Variants in NKAIN2 observed in about 807,000 individuals in gnomAD.
NKAIN2 encodes sodium/potassium-transporting ATPase subunit beta-1-interacting protein 2.
Under a neutral mutation model 32.6 loss-of-function variants are expected in NKAIN2, and 14 were observed. That is an observed-to-expected ratio of 0.43 (90% confidence interval 0.28 to 0.67). The LOEUF (loss-of-function observed/expected upper bound fraction) is 0.67. Among genes scored for constraint, NKAIN2 ranks in the 30% least tolerant of loss-of-function variants. The pLI is 0.17. For synonymous variants in NKAIN2, 80 were observed against 87.2 expected, an observed-to-expected ratio of 0.92 and a Z score of 0.46; for missense variants, 198 against 258.3, an observed-to-expected ratio of 0.77 and a Z score of 1.60.
intron 3 of NKAIN2, among the ~76,000 whole-genome samples, chr6:124,369,016 T>C (rs138954059): frequency 6.6e-6 from 1 of 152,274 alleles, no homozygotes; most frequent in East Asian, 1.9e-4. Context: ...CTAATTCTCT[T>C]TGAAGCAATG....
At chr6:124,112,932 T>C (rs527364397) in intron 1 of NKAIN2, among the ~76,000 whole-genome samples, 1 of 150,998 alleles carries the variant, frequency 6.6e-6, no homozygotes, top group East Asian at 1.9e-4. Context: ...ATTTTCTCTT[T>C]CTTTGTTGAA....
intron 3 of NKAIN2, among the ~76,000 whole-genome samples, chr6:124,499,131 G>A (rs6920353): frequency 0.28 from 42,518 of 151,926 alleles, 6,437 homozygotes; most frequent in Middle Eastern, 0.39. Context: ...ATGTAAAAAG[G>A]GATTGGATTA....
intron 3 of NKAIN2, among the ~76,000 whole-genome samples, chr6:124,626,654 T>G (rs1583544699): frequency 2.0e-5 from 3 of 152,174 alleles, no homozygotes; most frequent in Admixed American, 6.5e-5. Flanking sequence ...AGCCGCCCTC[T>G]ATTATTCTGT....
chr6:124,609,243 G>C (rs1782603157), intron 3 of NKAIN2, among the ~76,000 whole-genome samples: 1 of 152,132 alleles, frequency 6.6e-6, no homozygotes, highest in South Asian at 2.1e-4. Context: ...GCCCCAAGAG[G>C]AGGTTAAAAT....
At chr6:124,771,813 C>G (rs1021055443) in intron 4 of NKAIN2, among the ~76,000 whole-genome samples, 2 of 152,096 alleles carry the variant, frequency 1.3e-5, no homozygotes, top group African/African-American at 4.8e-5. Flanking sequence ...GGAGGTGACA[C>G]TTAAGCTGAG....
intron 1 of NKAIN2, among the ~76,000 whole-genome samples, chr6:124,112,268 T>G (rs1293459055): frequency 2.0e-5 from 3 of 152,160 alleles, no homozygotes; most frequent in Non-Finnish European, 4.4e-5. Flanking sequence ...CTCCCTCAAT[T>G]TATTTTGTTT....
intron 1 of NKAIN2, among the ~76,000 whole-genome samples, chr6:124,278,536 A>G (rs547765746): frequency 6.6e-6 from 1 of 150,922 alleles, no homozygotes. Flanking sequence ...AACATTTACT[A>G]TGGTGCAACG....
chr6:124,437,871 G>GGTTTTTTTTTTTTT lies in NKAIN2; in HGVS notation c.273+82524_273+82525insGTTTTTTTTTTTTT, dbSNP rs751652394. 1.1e-4 allele frequency: 38 copies of GGTTTTTTTTTTTTT among 345,708 alleles called. 2 individuals are homozygous for GGTTTTTTTTTTTTT. The highest frequency in any genetic ancestry group is 1.3e-4 in the Non-Finnish European group (23 of 183,952). 21.4% of individuals were successfully genotyped at this position (345,708 alleles called of 1,614,324 possible). Reference sequence around the variant, plus strand: ...TGTAGGGAATACGTACTGATCTATTGATTTTTTTTTTTTTTTTTTTCTTAA... The same window carrying GGTTTTTTTTTTTTT: ...TGTAGGGAATACGTACTGATCTATTGGTTTTTTTTTTTTTATTTTTTTTTTTTTTTTTTTCTTAA... On this transcript the variant is annotated intron_variant, in intron 3 of 6. Transcript: ENST00000368417.
chr6:124,163,178 T>C (rs1170911541), intron 1 of NKAIN2, among the ~76,000 whole-genome samples: 1 of 152,052 alleles, frequency 6.6e-6, no homozygotes, highest in African/African-American at 2.4e-5. Context: ...GAAATTCAGC[T>C]TCTAAATATA....
chr6:124,514,599 G>T (rs1327676765), intron 3 of NKAIN2, among the ~76,000 whole-genome samples: 1 of 151,932 alleles, frequency 6.6e-6, no homozygotes, highest in Non-Finnish European at 1.5e-5. Flanking sequence ...CTTCAGTGTT[G>T]GGTAGATGGA....
intron 1 of NKAIN2, among the ~76,000 whole-genome samples, chr6:124,051,496 A>T (rs1455464071): frequency 6.6e-6 from 1 of 151,982 alleles, no homozygotes; most frequent in African/African-American, 2.4e-5. Flanking sequence ...ACATATGTAT[A>T]AATGTGCCAT....
chr6:124,145,607 G>A (rs934206497), intron 1 of NKAIN2, among the ~76,000 whole-genome samples: 4 of 152,038 alleles, frequency 2.6e-5, no homozygotes, highest in Non-Finnish European at 5.9e-5. Flanking sequence ...CCGGGTTCAC[G>A]CCATTCTCCT....
intron 1 of NKAIN2, among the ~76,000 whole-genome samples, chr6:124,039,770 C>G (rs73561073): frequency 1.1e-4 from 16 of 151,722 alleles, no homozygotes; most frequent in Admixed American, 1.1e-3. Flanking sequence ...ACCTAAACTT[C>G]CTACAAAAAG....
At position 124,226,078 on chromosome 6, in the gene NKAIN2, G is replaced by A. The variant is rs551860275; in HGVS notation, c.55-56927G>A. 5.9e-5 allele frequency among the ~76,000 whole-genome samples: 9 copies of A among 152,122 alleles called. No individual in the cohort carries two copies. The South Asian group carries it at 1.9e-3, about 32-fold the overall frequency. ...TCAAAGCCTAAGTCCAGTGTCACAG[G>A]AGAGAATGGACACTGTCAATTGCAG... On this transcript the variant is annotated intron_variant, in intron 1 of 6. Transcript: ENST00000368417.
At chr6:123,825,960 A>T (rs895450303) in intron 1 of NKAIN2, among the ~76,000 whole-genome samples, 1 of 152,158 alleles carries the variant, frequency 6.6e-6, no homozygotes, top group African/African-American at 2.4e-5. Context: ...TGGTTTGCTG[A>T]TAGTTACTGT....
intron 1 of NKAIN2, among the ~76,000 whole-genome samples, chr6:123,839,164 T>TTGAAC (rs1374262892): frequency 1.8e-4 from 27 of 151,508 alleles, no homozygotes; most frequent in African/African-American, 6.6e-4. Flanking sequence ...TCCTTCCCAC[T>TTGAAC]TGAACTTGCA....
rs1798221924 is a variant in NKAIN2, at chr6:124,343,211, T to A, written c.193-12056T>A. On this transcript the variant is annotated intron_variant, in intron 2 of 6. Coordinates refer to ENST00000368417, the MANE Select transcript of NKAIN2 (RefSeq NM_001040214.3). ...ATTCATGGTGTATATGTGCCACATTTTCTTAATCCAATCTATCATTGTTGG... is the reference window on the plus strand; with the variant it reads ...ATTCATGGTGTATATGTGCCACATTATCTTAATCCAATCTATCATTGTTGG... Among the ~76,000 whole-genome samples the A allele has an allele frequency of 3.9e-5, 6 of 152,150 alleles. No individual in the cohort carries two copies. The South Asian group carries it at 1.2e-3, about 32-fold the overall frequency.
intron 2 of NKAIN2, among the ~76,000 whole-genome samples, chr6:124,328,212 A>G (rs1797498286): frequency 6.6e-6 from 1 of 152,212 alleles, no homozygotes; most frequent in Non-Finnish European, 1.5e-5. Context: ...TCGTACAGAT[A>G]TTATTAATAT....
At chr6:124,511,204 A>G (rs1778697511) in intron 3 of NKAIN2, among the ~76,000 whole-genome samples, 1 of 152,206 alleles carries the variant, frequency 6.6e-6, no homozygotes, top group African/African-American at 2.4e-5. Flanking sequence ...GCAAATTTAT[A>G]TCTATTACAT....
Sources: allele counts gnomAD v4.1 joint callset (sites outside exome capture counted in the v4.1 genomes callset), GRCh38; gene constraint gnomAD v4.1.1; transcripts MANE v1.5; gene names NCBI Gene and HGNC (gene_info 2026-07-23, HGNC 2026-07-21).